Variants in FGF14 observed in about 807,000 individuals in gnomAD.
FGF14 encodes the protein fibroblast growth factor homologous factor 4.
FGF14 carries 5 observed loss-of-function variants against 25.5 expected under a neutral mutation model. The ratio of observed to expected loss-of-function variants is 0.20; its 90% CI spans 0.10 to 0.41. FGF14 has a LOEUF of 0.41. Ranked by LOEUF, FGF14 falls within the 10% of genes least tolerant of loss-of-function variation. FGF14 has a pLI of 1.00. For synonymous variants in FGF14, 138 were observed against 118.3 expected, an observed-to-expected ratio of 1.17 and a Z score of -1.08; for missense variants, 222 against 320.1, an observed-to-expected ratio of 0.69 and a Z score of 2.34.
chr13:102,353,500 A>G (rs1313416630), intron 1 of FGF14, among the ~76,000 whole-genome samples: 1 of 152,224 alleles, frequency 6.6e-6, no homozygotes, highest in Non-Finnish European at 1.5e-5. Flanking sequence ...TCCTAAGCTG[A>G]AAGCATTATC....
chr13:102,156,424 A>C (rs2047341618), intron 1 of FGF14, among the ~76,000 whole-genome samples: 1 of 152,210 alleles, frequency 6.6e-6, no homozygotes, highest in Admixed American at 6.5e-5. Flanking sequence ...TGATTATCTC[A>C]ACAGATGCAG....
At chr13:102,028,063 G>A (rs2041022428) in intron 1 of FGF14, among the ~76,000 whole-genome samples, 1 of 151,928 alleles carries the variant, frequency 6.6e-6, no homozygotes, top group South Asian at 2.1e-4. Flanking sequence ...TGTTCTTGAT[G>A]GTACAACACA....
At chr13:101,727,458 G>C (rs1236922098) in intron 3 of FGF14, among the ~76,000 whole-genome samples, 1 of 152,068 alleles carries the variant, frequency 6.6e-6, no homozygotes, top group Non-Finnish European at 1.5e-5. Context: ...TGGAACTCTT[G>C]AAGATAAACA....
chr13:102,154,370 T>G (rs997573989), intron 1 of FGF14, among the ~76,000 whole-genome samples: 3 of 151,508 alleles, frequency 2.0e-5, no homozygotes, highest in Non-Finnish European at 4.4e-5. Flanking sequence ...TTCAACATTC[T>G]TAAAGAAAAG....
intron 1 of FGF14, among the ~76,000 whole-genome samples, chr13:102,256,185 A>G (rs1460210730): frequency 1.3e-5 from 2 of 152,112 alleles, no homozygotes; most frequent in Non-Finnish European, 2.9e-5. Context: ...GATTGAGAAC[A>G]GGTCACATAC....
At chr13:101,766,181 A>G (rs1177705024) in intron 3 of FGF14, among the ~76,000 whole-genome samples, 1 of 152,212 alleles carries the variant, frequency 6.6e-6, no homozygotes, top group East Asian at 1.9e-4. Context: ...ATTCAGGTGC[A>G]AGATATTTGA....
chr13:102,044,867 T>C (rs1411898746), intron 1 of FGF14, among the ~76,000 whole-genome samples: 1 of 152,162 alleles, frequency 6.6e-6, no homozygotes, highest in Non-Finnish European at 1.5e-5. Flanking sequence ...TATTGACATA[T>C]GTCTACCAAA....
At chr13:102,241,785 G>A (rs2051616184) in intron 1 of FGF14, among the ~76,000 whole-genome samples, 1 of 152,082 alleles carries the variant, frequency 6.6e-6, no homozygotes, top group Non-Finnish European at 1.5e-5. Context: ...CTGGGGACAA[G>A]GTTTTGCCAA....
chr13:102,277,448 G>A (rs1019631296), intron 1 of FGF14, among the ~76,000 whole-genome samples: 1 of 152,216 alleles, frequency 6.6e-6, no homozygotes, highest in East Asian at 1.9e-4. Flanking sequence ...CCCACCGCGT[G>A]CCCACTGGTG....
intron 1 of FGF14, among the ~76,000 whole-genome samples, chr13:102,087,238 A>T (rs569367717): frequency 2.0e-5 from 3 of 152,108 alleles, no homozygotes; most frequent in Admixed American, 1.3e-4. Context: ...AAGTGTGAAG[A>T]TCTATGCAAC....
At chr13:102,362,807 G>GA (rs34997835) in intron 1 of FGF14, among the ~76,000 whole-genome samples, 19 of 151,060 alleles carry the variant, frequency 1.3e-4, no homozygotes, top group African/African-American at 2.7e-4. Flanking sequence ...TACAAGTATA[G>GA]AAAAAAAAAT....
intron 3 of FGF14, among the ~76,000 whole-genome samples, chr13:101,800,327 A>C (rs2040798881): frequency 6.6e-6 from 1 of 152,228 alleles, no homozygotes; most frequent in African/African-American, 2.4e-5. Flanking sequence ...TATAAAAACA[A>C]ATGAGAATTG....
intron 1 of FGF14, among the ~76,000 whole-genome samples, chr13:102,088,871 C>T (rs1473877713): frequency 6.6e-6 from 1 of 152,034 alleles, no homozygotes; most frequent in Non-Finnish European, 1.5e-5. Flanking sequence ...TTCATCTAAT[C>T]CTGAAAGTTA....
At chr13:102,196,895 T>C (rs1164268767) in intron 1 of FGF14, among the ~76,000 whole-genome samples, 1 of 151,970 alleles carries the variant, frequency 6.6e-6, no homozygotes, top group Non-Finnish European at 1.5e-5. Flanking sequence ...GAGACTAGAA[T>C]GACTGTTACC....
intron 1 of FGF14, among the ~76,000 whole-genome samples, chr13:102,034,721 C>T (rs1189983641): frequency 1.3e-5 from 2 of 152,134 alleles, no homozygotes; most frequent in Non-Finnish European, 2.9e-5. Flanking sequence ...ACCCTCCTCA[C>T]CCTAGTCCTG....
In FGF14 at chr13:102,289,588, G is replaced by T. The variant is rs185896510; in HGVS notation, c.208+111883C>A. The stretch of plus-strand genomic sequence containing the variant: ...ATTGTTTACATGACACAAAATACTA[G>T]TCTTCTTTTAGTGTTTTTCAGTCTT... On this transcript the variant is annotated intron_variant, in intron 1 of 4. Transcript: ENST00000376131. Among the ~76,000 whole-genome samples, 141 of 152,206 alleles carry T rather than the reference G, an allele frequency of 9.3e-4. 1 individual carries two copies. The highest frequency in any genetic ancestry group is 3.2e-3 in the African/African-American group (132 of 41,530).
At chr13:101,987,525 C>G (rs1313811333) in intron 1 of FGF14, among the ~76,000 whole-genome samples, 1 of 152,076 alleles carries the variant, frequency 6.6e-6, no homozygotes, top group Non-Finnish European at 1.5e-5. Context: ...CAAGTTTTAG[C>G]ACTTAATTTT....
chr13:102,372,186 AGT>A (rs1428718845), intron 1 of FGF14, among the ~76,000 whole-genome samples: 1 of 152,208 alleles, frequency 6.6e-6, no homozygotes, highest in Non-Finnish European at 1.5e-5. Flanking sequence ...GTAATGTATT[AGT>A]CTAGGATAAA....
At chr13:102,214,815 T>C (rs2050304563) in intron 1 of FGF14, among the ~76,000 whole-genome samples, 1 of 152,204 alleles carries the variant, frequency 6.6e-6, no homozygotes, top group Non-Finnish European at 1.5e-5. Context: ...TGATAATGCA[T>C]AGGACAGCCC....
Sources: gnomAD v4.1 joint callset for allele counts (sites outside exome capture counted in the v4.1 genomes callset) on GRCh38, gnomAD v4.1.1 for gene constraint, MANE v1.5 for transcripts, NCBI Gene and HGNC (gene_info 2026-07-23, HGNC 2026-07-21) for gene names.